ARHGEF40: variants seen among roughly 807,000 people sequenced by gnomAD.
ARHGEF40 encodes the protein Rho guanine nucleotide exchange factor (GEF) 40.
In ARHGEF40, 98 loss-of-function variants were observed where a neutral mutation model predicts 165.9. The observed-to-expected ratio is 0.59, with a 90% confidence interval of 0.50 to 0.70. The LOEUF (loss-of-function observed/expected upper bound fraction) is 0.70, where lower values mean the gene tolerates loss of function less well. ARHGEF40 is among the 30% of genes least tolerant of loss of function. The probability of loss-of-function intolerance (pLI) is 0.00; values close to 1 mark genes in which losing one functional copy is unlikely to be tolerated. For missense variants in ARHGEF40, 1,815 were observed against 1,968.0 expected (o/e 0.92, Z 1.47); for synonymous variants, 792 against 814.3 (o/e 0.97, Z 0.47).
Position 21,073,063 on chromosome 14 carries a change from G to A in ARHGEF40, c.22G>A (p.Asp8Asn). 1.2e-6 allele frequency: 2 copies of A among 1,614,040 alleles called. No homozygotes were observed. Among genetic ancestry groups the A allele is most frequent in the Non-Finnish European group, 8.5e-7 (1 of 1,179,928 alleles). MEPEPVE[D>N]CVQSTLAALY... ...TCTACAGGAGCCTGAGCCAGTGGAG[G>A]ACTGTGTGCAGAGCACTCTCGCCGC... The change falls in exon 2 of 24, where the codon GAC becomes AAC. Residue 8 changes from aspartate to asparagine, a missense_variant. Asp to Asn is a conservative substitution (Grantham distance 23). Transcript: ENST00000298694. The surrounding 1 kb of genome is among the most constrained non-coding windows in gnomAD (Gnocchi z 4.6).
At chr14:21,068,166 AT>A (rs1236614655), upstream of ARHGEF40, among the ~76,000 whole-genome samples, 2 of 46,866 alleles carry the variant, frequency 4.3e-5, 1 homozygote, top group Non-Finnish European at 1.2e-4. Context: ...CGCCCGGCTA[AT>A]TTTTTGTATT....
rs1423210776 is a variant in ARHGEF40 at position 21,082,400 on chromosome 14, C to T, written c.3408C>T (p.Phe1136=). ...GTGCCCGGGAAAGGCTTCGCAGCTT[C>T]CACCGGACACACTTTCTGCGGGAGC... is the stretch of plus-strand genomic sequence containing the variant. The part of the protein sequence containing the change: ...ALSARERLRS[F]HRTHFLRELQ... Residue 1136 remains phenylalanine (F), a synonymous_variant, in exon 15 of 24, where the codon TTC becomes TTT. Coordinates refer to ENST00000298694, the MANE Select transcript of ARHGEF40 (RefSeq NM_018071.5). 2 of 1,611,540 alleles carry T rather than the reference C, an allele frequency of 1.2e-6. No homozygotes were observed. The highest frequency in any genetic ancestry group is 2.7e-5 in the African/African-American group (2 of 74,948).
upstream of ARHGEF40, among the ~76,000 whole-genome samples, chr14:21,070,105 G>A (rs1886566416): frequency 6.6e-6 from 1 of 152,002 alleles, no homozygotes; most frequent in Non-Finnish European, 1.5e-5. The surrounding 1 kb of genome is among the most constrained non-coding windows in gnomAD (Gnocchi z 4.7). Context: ...GGGACGGATA[G>A]GCTGGGGACG....
intron 13 of ARHGEF40, 100 bp downstream of exon 13, chr14:21,081,116 G>C: frequency 2.0e-6 from 3 of 1,511,108 alleles, no homozygotes; most frequent in Non-Finnish European, 2.7e-6. Context: ...TGGAGGCTGA[G>C]GGGCCCATCT....
At position 21,070,803 on chromosome 14, in the gene ARHGEF40, G is replaced by C; in HGVS notation, c.3+404G>C. On this transcript the variant is annotated intron_variant, in intron 1 of 23. Coordinates refer to ENST00000298694, the MANE Select transcript of ARHGEF40 (RefSeq NM_018071.5). The surrounding 1 kb of genome is among the most constrained non-coding windows in gnomAD (Gnocchi z 4.7). ...CCTGCAGCGACCCTGGAAGAGGCCCGGCCCCTCGGGTCATGAGAACTGACC... is the reference window on the plus strand; with the variant it reads ...CCTGCAGCGACCCTGGAAGAGGCCCCGCCCCTCGGGTCATGAGAACTGACC... 1.3e-6 allele frequency: 2 copies of C among 1,535,490 alleles called. No individual in the cohort carries two copies. Among genetic ancestry groups the C allele is most frequent in the Non-Finnish European group, 1.7e-6 (2 of 1,146,764 alleles).
Position 21,087,658 on chromosome 14 carries a change from G to A in ARHGEF40, c.4387+195G>A, listed in dbSNP as rs143318804. ...GCTTACAACAGCCTGTTGCTAAGAAGCACTTCCTCTGTACCTCTCTCTCTA... is the reference window on the plus strand; with the variant it reads ...GCTTACAACAGCCTGTTGCTAAGAAACACTTCCTCTGTACCTCTCTCTCTA... On this transcript the variant is annotated intron_variant, in intron 21 of 23. Coordinates refer to ENST00000298694, the MANE Select transcript of ARHGEF40 (RefSeq NM_018071.5). The A allele has an allele frequency of 4.1e-4, 331 of 799,016 alleles. 3 individuals are homozygous for A. The East Asian group carries it at 8.7e-3, about 21-fold the overall frequency. The allele number at this position is 799,016 out of a possible 1,614,324, so 49.5% of individuals were successfully genotyped here. A position where few individuals can be genotyped will look rare whatever the true frequency, so the allele number is the denominator to read the frequency against.
Position 21,087,587 on chromosome 14 carries a change from G to A in ARHGEF40, c.4387+124G>A, listed in dbSNP as rs186327016. ...CCAGTTGCCATGACAACTATGTACAGCTTCCCCACCGCTAAAAGAGCCTTC... is the reference window on the plus strand; with the variant it reads ...CCAGTTGCCATGACAACTATGTACAACTTCCCCACCGCTAAAAGAGCCTTC... On this transcript the variant is annotated intron_variant, in intron 21 of 23. Coordinates refer to ENST00000298694, the MANE Select transcript of ARHGEF40 (RefSeq NM_018071.5). 119 of 1,363,166 alleles carry A rather than the reference G, an allele frequency of 8.7e-5. 1 individual carries two copies. The Middle Eastern group carries it at 1.3e-3, about 15-fold the overall frequency. 84.4% of individuals were successfully genotyped at this position (1,363,166 alleles called of 1,614,324 possible). A position where few individuals can be genotyped will look rare whatever the true frequency, so the allele number is the denominator to read the frequency against.
rs770811232 is a variant in ARHGEF40 at position 21,087,391 on chromosome 14, C to A, written c.4315C>A (p.Pro1439Thr). The change falls in exon 21 of 24, where the codon CCG becomes ACG. Residue 1439 changes from proline to threonine, a missense_variant. Physicochemically the swap from Pro to Thr is conservative, Grantham distance 38. Coordinates refer to ENST00000298694, the MANE Select transcript of ARHGEF40 (RefSeq NM_018071.5). ...HAGPSLPGLS[P>T]GACSLPARVE... ...CGGCCCCTCCCTTCCCGGCCTTTCG[C>A]CGGGAGCCTGCTCCCTGCCTGCCCG... 3.7e-6 allele frequency: 6 copies of A among 1,603,334 alleles called. No homozygotes were observed. The highest frequency in any genetic ancestry group is 5.1e-6 in the Non-Finnish European group (6 of 1,179,888).
chr14:21,078,040 T>G (rs1887565867), intron 8 of ARHGEF40, 137 bp from the exon 9 acceptor site: 1 of 709,896 alleles, frequency 1.4e-6, no homozygotes, highest in Non-Finnish European at 2.2e-6. Context: ...CCTCATACAA[T>G]TAGTTAGCAA....
In ARHGEF40 at chr14:21,087,420, C is replaced by G. The variant is rs763210139; in HGVS notation, c.4344C>G (p.Val1448=). 1.2e-5 allele frequency: 19 copies of G among 1,601,356 alleles called. No homozygotes were observed. The African/African-American group carries it at 1.2e-4, about 10-fold the overall frequency. ...GAGCCTGCTCCCTGCCTGCCCGCGT[C>G]GAGGAGGAGGCCTGGGATCTGGACG... ...SPGACSLPAR[V]EEEAWDLDVK... Residue 1448 remains valine (V), a synonymous_variant, in exon 21 of 24, where the codon GTC becomes GTG. Transcript: ENST00000298694.
Position 21,070,455 on chromosome 14 carries a change from G to A in ARHGEF40, c.3+56G>A, listed in dbSNP as rs1184127527. On this transcript the variant is annotated intron_variant, in intron 1 of 23. Transcript: ENST00000298694. The surrounding 1 kb of genome is among the most constrained non-coding windows in gnomAD (Gnocchi z 4.7). Reference sequence around the variant, plus strand: ...CCTCGGCCTTCGCGCAGCCCGCTCCGGGCCCCCAAGTCCTCAGCCTGGTGC... The same window carrying A: ...CCTCGGCCTTCGCGCAGCCCGCTCCAGGCCCCCAAGTCCTCAGCCTGGTGC... 1.5e-6 allele frequency: 2 copies of A among 1,348,126 alleles called. No individual in the cohort carries two copies. The highest frequency in any genetic ancestry group is 6.1e-5 in the East Asian group (2 of 32,966). The allele number at this position is 1,348,126 out of a possible 1,614,324, so 83.5% of individuals were successfully genotyped here. A position where few individuals can be genotyped will look rare whatever the true frequency, so the allele number is the denominator to read the frequency against.
chr14:21,073,323 C>A lies in ARHGEF40; in HGVS notation c.201+81C>A. ...CAGACTAGCCAGGCTGACTAATGCC[C>A]CCACTAACCTAGAGATACAGCCTCC... On this transcript the variant is annotated intron_variant, in intron 2 of 23. Coordinates refer to ENST00000298694, the MANE Select transcript of ARHGEF40 (RefSeq NM_018071.5). This position sits in a 1 kb window ranked among gnomAD's most constrained non-coding sequence, Gnocchi z 4.6. 1 of 1,425,986 alleles carries A rather than the reference C, an allele frequency of 7.0e-7. No homozygotes were observed. The allele number at this position is 1,425,986 out of a possible 1,614,324, so 88.3% of individuals were successfully genotyped here. A position where few individuals can be genotyped will look rare whatever the true frequency, so the allele number is the denominator to read the frequency against.
intron 11 of ARHGEF40, among the ~76,000 whole-genome samples, chr14:21,080,092 C>G (rs1350704836): frequency 6.6e-6 from 1 of 152,130 alleles, no homozygotes; most frequent in Non-Finnish European, 1.5e-5. Flanking sequence ...GTCCCACCCC[C>G]AGCTTCCAGC....
At chr14:21,064,176 G>T in the ARHGEF40 span, among the ~76,000 whole-genome samples, 27 of 152,236 alleles carry the variant, frequency 1.8e-4, no homozygotes, top group Admixed American at 5.9e-4. Flanking sequence ...TTCAAAGTGC[G>T]GAGGAGTACA....
upstream of ARHGEF40, among the ~76,000 whole-genome samples, chr14:21,067,146 A>G (rs139689175): frequency 2.0e-5 from 3 of 152,356 alleles, no homozygotes; most frequent in South Asian, 2.1e-4. Flanking sequence ...AAACCAGGCA[A>G]TAAGCAGTAC....
rs1594555108 is a variant in ARHGEF40 at position 21,075,237 on chromosome 14, G to A, written c.1450+57G>A. ...AAGGGCCAAAGCAGGTCGGGCCTAT[G>A]GGAGGGGGCAGGAGGAGGAGCAGGG... On this transcript the variant is annotated intron_variant, in intron 3 of 23. Transcript: ENST00000298694. This position sits in a 1 kb window ranked among gnomAD's most constrained non-coding sequence, Gnocchi z 4.5. The A allele has an allele frequency of 6.3e-6, 10 of 1,586,360 alleles. No individual in the cohort carries two copies. In the East Asian group the frequency reaches 2.2e-4, roughly 35 times the overall value.
At chr14:21,083,279 C>T (rs56191882) in intron 16 of ARHGEF40, among the ~76,000 whole-genome samples, 2,232 of 152,150 alleles carry the variant, frequency 0.015, 57 homozygotes, top group African/African-American at 0.05. Flanking sequence ...CGGTGACTCA[C>T]ACCTGTAATC....
At position 21,070,527 on chromosome 14, in the gene ARHGEF40, C is replaced by T; in HGVS notation, c.3+128C>T. ...GTTCGGCCCCTCTGGGACTCTCCTC[C>T]CTCCCATCCCCCCTTCTTCGATTTG... is the stretch of plus-strand genomic sequence containing the variant. On this transcript the variant is annotated intron_variant, in intron 1 of 23. Transcript: ENST00000298694. The surrounding 1 kb of genome is among the most constrained non-coding windows in gnomAD (Gnocchi z 4.7). 2 of 1,135,656 alleles carry T rather than the reference C, an allele frequency of 1.8e-6. No homozygotes were observed. Among genetic ancestry groups the T allele is most frequent in the Non-Finnish European group, 2.4e-6 (2 of 841,078 alleles). The allele number at this position is 1,135,656 out of a possible 1,614,324, so 70.3% of individuals were successfully genotyped here. A position where few individuals can be genotyped will look rare whatever the true frequency, so the allele number is the denominator to read the frequency against.
intron 18 of ARHGEF40, 71 bp downstream of exon 18, chr14:21,084,994 G>C: frequency 6.4e-7 from 1 of 1,556,818 alleles, no homozygotes; most frequent in Non-Finnish European, 8.7e-7. Flanking sequence ...GGATGTTCTG[G>C]AAATTCAGCC....
Sources: gnomAD v4.1 joint callset for allele counts (sites outside exome capture counted in the v4.1 genomes callset) on GRCh38, gnomAD v4.1.1 for gene constraint, Gnocchi (gnomAD v3.1) non-coding constraint, MANE v1.5 for transcripts, NCBI Gene and HGNC (gene_info 2026-07-23, HGNC 2026-07-21) for gene names.